Variants in GABRB3 observed in about 807,000 individuals in gnomAD.
GABRB3 encodes gamma-aminobutyric acid type A receptor subunit beta3, also known as gamma-aminobutyric acid receptor subunit beta-3.
A neutral mutation model predicts 52.1 loss-of-function variants in GABRB3; 14 were observed. The observed-to-expected ratio is 0.27, with a 90% CI of 0.18 to 0.42. GABRB3 has a LOEUF of 0.42. Among genes scored for constraint, GABRB3 ranks in the 10% least tolerant of loss-of-function variants. The pLI is 1.00. For missense variants in GABRB3, 307 were observed against 609.1 expected (o/e 0.50, Z 5.22); for synonymous variants, 260 against 232.3 (o/e 1.12, Z -1.08).
chr15:26,772,797 A>C (rs889087740), intron 1 of GABRB3, 25 bp from the exon 2 acceptor site: 1 of 1,512,950 alleles, frequency 6.6e-7, no homozygotes, highest in East Asian at 2.8e-5. Context: ...GGGAGCACAA[A>C]GAGCGGGGTC....
intron 3 of GABRB3, among the ~76,000 whole-genome samples, chr15:26,655,387 T>C (rs1395876901): frequency 1.3e-5 from 2 of 152,190 alleles, no homozygotes; most frequent in Non-Finnish European, 2.9e-5. Context: ...TTCCACATTA[T>C]TATTTTGTAG....
chr15:26,661,558 C>A (rs1887552397), intron 3 of GABRB3, among the ~76,000 whole-genome samples: 2 of 152,132 alleles, frequency 1.3e-5, no homozygotes, highest in East Asian at 3.9e-4. Flanking sequence ...GGAACGCAGA[C>A]AAAAGCAGCA....
intron 3 of GABRB3, among the ~76,000 whole-genome samples, chr15:26,702,962 G>A (rs1371315063): frequency 1.3e-5 from 2 of 152,132 alleles, no homozygotes; most frequent in African/African-American, 4.8e-5. Flanking sequence ...TTGGTGTCTG[G>A]TTAAGGGCCC....
intron 3 of GABRB3, among the ~76,000 whole-genome samples, chr15:26,711,373 T>G (rs1182242840): frequency 6.6e-6 from 1 of 152,344 alleles, no homozygotes; most frequent in South Asian, 2.1e-4. Flanking sequence ...TCTGGGAAAC[T>G]GGCCCTCCGA....
At chr15:26,760,809 G>GCACACGCACACACACACA (rs1555383023) in intron 3 of GABRB3, among the ~76,000 whole-genome samples, 2 of 149,286 alleles carry the variant, frequency 1.3e-5, no homozygotes, top group Non-Finnish European at 1.5e-5. Context: ...ACACGCGCAC[G>GCACACGCACACACACACA]CACACACACA....
At chr15:26,647,674 T>G (rs939793903) in intron 3 of GABRB3, among the ~76,000 whole-genome samples, 1 of 151,570 alleles carries the variant, frequency 6.6e-6, no homozygotes, top group Non-Finnish European at 1.5e-5. Flanking sequence ...AAAAAGACCG[T>G]TTGGAATGCA....
At chr15:26,755,432 T>C (rs541525229) in intron 3 of GABRB3, among the ~76,000 whole-genome samples, 5 of 152,226 alleles carry the variant, frequency 3.3e-5, no homozygotes, top group African/African-American at 9.6e-5. Context: ...GACTTGAACA[T>C]GTGTATTCTA....
intron 3 of GABRB3, among the ~76,000 whole-genome samples, chr15:26,693,424 C>T (rs1020828268): frequency 1.3e-5 from 2 of 152,170 alleles, no homozygotes; most frequent in African/African-American, 4.8e-5. Flanking sequence ...GCTAAATACA[C>T]AGGCACTTCA....
chr15:26,554,182 A>T lies in GABRB3; in HGVS notation c.1081-6048T>A, dbSNP rs1276995529. 2.8e-3 allele frequency among the ~76,000 whole-genome samples: 80 copies of T among 28,614 alleles called. 1 individual carries two copies. The highest frequency in any genetic ancestry group is 3.9e-3 in the Non-Finnish European group (62 of 15,790). The allele number at this position is 28,614 out of a possible 152,430, so 18.8% of individuals were successfully genotyped here. On this transcript the variant is annotated intron_variant, in intron 8 of 8. Transcript: ENST00000311550. The stretch of plus-strand genomic sequence containing the variant: ...TAAAGTATATATATATAAAGTATAT[A>T]TATATATACTATATATATATATATA...
chr15:26,763,607 TAC>T (rs150301275), intron 3 of GABRB3, among the ~76,000 whole-genome samples: 41,390 of 145,798 alleles, frequency 0.28, 6,424 homozygotes, highest in South Asian at 0.39. Context: ...TCTGCATAGA[TAC>T]ACACACACAC....
chr15:26,550,662 G>T (rs1226290806), intron 8 of GABRB3, among the ~76,000 whole-genome samples: 1 of 152,126 alleles, frequency 6.6e-6, no homozygotes, highest in Non-Finnish European at 1.5e-5. Flanking sequence ...ACAGGGAGCT[G>T]TATTTGACCA....
intron 3 of GABRB3, among the ~76,000 whole-genome samples, chr15:26,674,596 C>A (rs1405839306): frequency 1.3e-5 from 2 of 151,826 alleles, no homozygotes; most frequent in East Asian, 3.9e-4. Flanking sequence ...ACAAACAAAT[C>A]CATATACATT....
chr15:26,651,715 G>C (rs1379230470), intron 3 of GABRB3, among the ~76,000 whole-genome samples: 15 of 152,100 alleles, frequency 9.9e-5, no homozygotes, highest in Admixed American at 9.8e-4. Context: ...ATCTCATTTT[G>C]ATGGGCTTTT....
At chr15:26,640,042 T>A (rs1428640463) in intron 3 of GABRB3, among the ~76,000 whole-genome samples, 2 of 152,202 alleles carry the variant, frequency 1.3e-5, no homozygotes, top group Non-Finnish European at 2.9e-5. Flanking sequence ...AGAGCATTGT[T>A]TTAATAAAGC....
chr15:26,637,183 G>A (rs1356305305), intron 3 of GABRB3, among the ~76,000 whole-genome samples: 1 of 152,064 alleles, frequency 6.6e-6, no homozygotes, highest in Non-Finnish European at 1.5e-5. Context: ...CACCCTCTAT[G>A]TTGCTCCTCA....
At chr15:26,719,647 C>A (rs186106424) in intron 3 of GABRB3, among the ~76,000 whole-genome samples, 2 of 152,190 alleles carry the variant, frequency 1.3e-5, no homozygotes, top group Admixed American at 1.3e-4. Flanking sequence ...TGCATTGTAG[C>A]TTATCGTCCT....
At chr15:26,753,143 G>A (rs1890562550) in intron 3 of GABRB3, among the ~76,000 whole-genome samples, 2 of 152,162 alleles carry the variant, frequency 1.3e-5, no homozygotes, top group Admixed American at 6.5e-5. Context: ...AGGGCTGCCC[G>A]GATGTCCACA....
chr15:26,747,666 G>A (rs1890383936), intron 3 of GABRB3, among the ~76,000 whole-genome samples: 1 of 152,128 alleles, frequency 6.6e-6, no homozygotes, highest in South Asian at 2.1e-4. Flanking sequence ...ATCAGAGACT[G>A]TTGTATTTCT....
intron 4 of GABRB3, chr15:26,615,341 G>C (rs868595701): frequency 9.1e-6 from 9 of 985,480 alleles, no homozygotes; most frequent in Non-Finnish European, 9.6e-6. Flanking sequence ...TGCATACCCT[G>C]TCCAGAGCAT....
Sources: allele counts gnomAD v4.1 joint callset (sites outside exome capture counted in the v4.1 genomes callset), GRCh38; gene constraint gnomAD v4.1.1; transcripts MANE v1.5; gene names NCBI Gene and HGNC (gene_info 2026-07-23, HGNC 2026-07-21).